SLC17A9: variants seen among roughly 807,000 people sequenced by gnomAD.
SLC17A9 encodes solute carrier family 17 member 9.
Under a neutral mutation model 55.0 loss-of-function variants are expected in SLC17A9, and 49 were observed. That is an observed-to-expected ratio of 0.89 (90% confidence interval 0.71 to 1.13). The LOEUF (loss-of-function observed/expected upper bound fraction) is 1.13, where lower values mean the gene tolerates loss of function less well. SLC17A9 is among the 50% of genes most tolerant of loss of function. The pLI, the probability that SLC17A9 is intolerant of heterozygous loss-of-function variation, is 0.00. For missense variants in SLC17A9, 526 were observed against 569.3 expected (o/e 0.92, Z 0.77); for synonymous variants, 256 against 247.4 (o/e 1.03, Z -0.32).
At chr20:62,956,989 G>A (rs760469820) in intron 2 of SLC17A9, 27 bp downstream of exon 2, 1 of 1,612,366 alleles carries the variant, frequency 6.2e-7, no homozygotes, top group Non-Finnish European at 8.5e-7. Context: ...CCCATCTCCT[G>A]GCTGGTGGGG....
intron 9 of SLC17A9, 144 bp from the exon 10 acceptor site, chr20:62,965,466 G>T (rs2147660465): frequency 1.3e-6 from 1 of 788,578 alleles, no homozygotes; most frequent in Non-Finnish European, 2.1e-6. Flanking sequence ...CCTCTAGGGG[G>T]CCTGGTCTGA....
At chr20:62,965,106 G>A (rs758364896) in intron 8 of SLC17A9, 26 bp from the exon 9 acceptor site, 8 of 1,613,914 alleles carry the variant, frequency 5.0e-6, no homozygotes, top group African/African-American at 1.3e-5. Context: ...GCTAACGGGA[G>A]CCCCTTCCTT....
At chr20:62,956,290 C>T (rs891349681) in intron 1 of SLC17A9, among the ~76,000 whole-genome samples, 9 of 152,208 alleles carry the variant, frequency 5.9e-5, no homozygotes, top group East Asian at 1.9e-4. Context: ...CACAGCACAC[C>T]GTCATCCACT....
chr20:62,967,494 C>T lies in SLC17A9; in HGVS notation c.1305C>T (p.Asp435=), dbSNP rs562137249. The T allele has an allele frequency of 7.4e-5, 119 of 1,613,494 alleles. No individual in the cohort carries two copies. The South Asian group carries it at 7.7e-4, about 10-fold the overall frequency. Residue 435 remains aspartate, a synonymous_variant, in exon 13 of 13, where the codon GAC becomes GAT. Coordinates refer to ENST00000370351, the MANE Select transcript of SLC17A9 (RefSeq NM_022082.4). ...TGGACCTGAGCTCTACCCATGAGGA[C>T]CTCTAGCTCCCAACCCCACAGCCTC... The part of the protein sequence containing the change: ...QRVDLSSTHE[D]L
At chr20:62,959,241 T>C (rs773007278) in intron 3 of SLC17A9, among the ~76,000 whole-genome samples, 40 of 152,186 alleles carry the variant, frequency 2.6e-4, no homozygotes, top group Non-Finnish European at 2.5e-4. Context: ...GGCAGGCGGC[T>C]GTCCTCGTGG....
chr20:62,967,466 G>C lies in SLC17A9; in HGVS notation c.1277G>C (p.Arg426Thr). 6.2e-7 allele frequency: 1 copy of C among 1,614,142 alleles called. No individual in the cohort carries two copies. Among genetic ancestry groups the C allele is most frequent in the Non-Finnish European group, 8.5e-7 (1 of 1,180,002 alleles). Reference protein sequence around the residue: ...CTFLVFGQAQRVDLSSTHEDL With the variant: ...CTFLVFGQAQTVDLSSTHEDL Reference sequence around the variant, plus strand: ...TTCCTGGTGTTTGGACAGGCTCAGAGGGTGGACCTGAGCTCTACCCATGAG... The same window carrying C: ...TTCCTGGTGTTTGGACAGGCTCAGACGGTGGACCTGAGCTCTACCCATGAG... The change falls in exon 13 of 13, where the codon AGG becomes ACG. Residue 426 changes from arginine (R) to threonine (T), a missense_variant. By Grantham distance (71) the Arg-to-Thr change is moderately conservative. Transcript: ENST00000370351.
At position 62,965,714 on chromosome 20, in the gene SLC17A9, C is replaced by T. The variant is rs781655637; in HGVS notation, c.1050C>T (p.Thr350=). ...VFASASIGLQ[T]FNHSGISVNI... is the part of the protein sequence containing the mutation. ...CATCAGCCTCCATCGGCCTCCAGACCTTCAACCACAGGTGAGGGCCGACTG... is the reference window on the plus strand; with the variant it reads ...CATCAGCCTCCATCGGCCTCCAGACTTTCAACCACAGGTGAGGGCCGACTG... Residue 350 remains threonine, a synonymous_variant, in exon 10 of 13, where the codon ACC becomes ACT. Transcript: ENST00000370351. 2.0e-5 allele frequency: 32 copies of T among 1,613,702 alleles called. 1 individual carries two copies. The South Asian group carries it at 2.3e-4, about 12-fold the overall frequency.
At chr20:62,963,891 G>A (rs1049647236) in intron 7 of SLC17A9, 4 of 600,614 alleles carry the variant, frequency 6.7e-6, no homozygotes, top group East Asian at 5.6e-5. Context: ...AATGATGCGG[G>A]CGCTCGGTGC....
Position 62,952,745 on chromosome 20 carries a change from G to T in SLC17A9, c.-86G>T. 2 of 1,373,150 alleles carry T rather than the reference G, an allele frequency of 1.5e-6. No individual in the cohort carries two copies. The highest frequency in any genetic ancestry group is 1.4e-5 in the South Asian group (1 of 73,576). The allele number at this position is 1,373,150 out of a possible 1,614,324, so 85.1% of individuals were successfully genotyped here. A position where few individuals can be genotyped will look rare whatever the true frequency, so the allele number is the denominator to read the frequency against. ...CGCTGGGACTGACACGTGGACTTGGGCGGTGCTGCCCGGGTGGGTCAGCCT... is the reference window on the plus strand; with the variant it reads ...CGCTGGGACTGACACGTGGACTTGGTCGGTGCTGCCCGGGTGGGTCAGCCT... On this transcript the variant is annotated 5_prime_UTR_variant, in exon 1 of 13. Transcript: ENST00000370351.
chr20:62,965,476 A>G, intron 9 of SLC17A9, 134 bp from the exon 10 acceptor site: 3 of 831,754 alleles, frequency 3.6e-6, no homozygotes, highest in Admixed American at 2.1e-5. Context: ...GCCTGGTCTG[A>G]GAGAAGTTTG....
rs2065652551 is a variant in SLC17A9, at chr20:62,967,606, G to A, written c.*106G>A. The A allele has an allele frequency of 1.7e-6, 2 of 1,156,040 alleles. No homozygotes were observed. The highest frequency in any genetic ancestry group is 2.3e-6 in the Non-Finnish European group (2 of 870,202). The allele number at this position is 1,156,040 out of a possible 1,614,324, so 71.6% of individuals were successfully genotyped here. On this transcript the variant is annotated 3_prime_UTR_variant, in exon 13 of 13. Coordinates refer to ENST00000370351, the MANE Select transcript of SLC17A9 (RefSeq NM_022082.4). ...ACTCCATGTCAGACACACGAGCAGA[G>A]AGGAACACAAACCACTGTGGAGCCT...
In SLC17A9 at chr20:62,958,034, G is replaced by A. The variant is rs1345819649; in HGVS notation, c.397+454G>A. Among the ~76,000 whole-genome samples the A allele has an allele frequency of 5.3e-5, 8 of 152,130 alleles. No homozygotes were observed. The highest frequency in any genetic ancestry group is 6.5e-5 in the Admixed American group (1 of 15,292). On this transcript the variant is annotated intron_variant, in intron 3 of 12. Transcript: ENST00000370351. The surrounding 1 kb of genome is among the most constrained non-coding windows in gnomAD (Gnocchi z 4.1). ...CACATGTGTGAGCATGCACTTGTGC[G>A]TGCAGGTGGTATGCATGCGTGTGCA... is the stretch of plus-strand genomic sequence containing the variant.
chr20:62,966,691 G>C lies in SLC17A9; in HGVS notation c.1118-12G>C, dbSNP rs2065643275. On this transcript the variant is annotated splice_polypyrimidine_tract_variant and intron_variant, in intron 11 of 12. Coordinates refer to ENST00000370351, the MANE Select transcript of SLC17A9 (RefSeq NM_022082.4). ...ACCATCCATATTCTCTCTCGCTCTG[G>C]CCTCTTCACAGGTGTGGCCAACACA... is the stretch of plus-strand genomic sequence containing the variant. The C allele has an allele frequency of 1.2e-6, 2 of 1,613,754 alleles. No individual in the cohort carries two copies. The highest frequency in any genetic ancestry group is 2.7e-5 in the African/African-American group (2 of 75,028).
intron 7 of SLC17A9, chr20:62,963,931 C>T (rs1279255257): frequency 6.7e-6 from 4 of 597,466 alleles, no homozygotes; most frequent in African/African-American, 5.6e-5. Context: ...CCCTCCCAGC[C>T]CTCATCGTGA....
intron 2 of SLC17A9, 51 bp from the exon 3 acceptor site, chr20:62,957,390 C>A (rs1405726903): frequency 5.2e-6 from 8 of 1,527,196 alleles, no homozygotes; most frequent in Non-Finnish European, 6.2e-6. Flanking sequence ...CAGGGTGGTG[C>A]CCCTTGGTCC....
At chr20:62,964,053 T>G in intron 7 of SLC17A9, 175 bp from the exon 8 acceptor site, 1 of 693,106 alleles carries the variant, frequency 1.4e-6, no homozygotes, top group Non-Finnish European at 2.5e-6. Context: ...GAGGCTGTCT[T>G]GCTGCCCTGC....
Position 62,962,768 on chromosome 20 carries a change from G to A in SLC17A9, c.628+14G>A. On this transcript the variant is annotated intron_variant, in intron 5 of 12. Transcript: ENST00000370351. This position sits in a 1 kb window ranked among gnomAD's most constrained non-coding sequence, Gnocchi z 5.5. Reference sequence around the variant, plus strand: ...TGAGTGAAAAAGGTAACGCAGGCCGGGCGGGCTAGTCCCGGGCGCCCACAG... The same window carrying A: ...TGAGTGAAAAAGGTAACGCAGGCCGAGCGGGCTAGTCCCGGGCGCCCACAG... 1 of 1,613,228 alleles carries A rather than the reference G, an allele frequency of 6.2e-7. No homozygotes were observed. The highest frequency in any genetic ancestry group is 1.1e-5 in the South Asian group (1 of 91,012).
At chr20:62,957,329 G>A (rs1025203039) in intron 2 of SLC17A9, 112 bp from the exon 3 acceptor site, 1 of 1,495,506 alleles carries the variant, frequency 6.7e-7, no homozygotes, top group South Asian at 1.4e-5. Context: ...CCCTGTAGAG[G>A]CAGACAGGCC....
intron 1 of SLC17A9, chr20:62,953,389 G>T: frequency 7.8e-7 from 1 of 1,282,310 alleles, no homozygotes; most frequent in Non-Finnish European, 1.1e-6. Context: ...GGAGCATTTG[G>T]TGGTGGGGAG....
Sources: gnomAD v4.1 joint callset for allele counts (sites outside exome capture counted in the v4.1 genomes callset) on GRCh38, gnomAD v4.1.1 for gene constraint, Gnocchi (gnomAD v3.1) non-coding constraint, MANE v1.5 for transcripts, NCBI Gene and HGNC (gene_info 2026-07-23, HGNC 2026-07-21) for gene names.